The following KANSL1 variants were observed in gnomAD, a reference collection of about 807,000 sequenced individuals.
The protein encoded by KANSL1 is KAT8 regulatory NSL complex subunit 1.
In KANSL1, 22 loss-of-function variants were observed where a neutral mutation model predicts 103.6. That is an observed-to-expected ratio of 0.21 (90% CI 0.15 to 0.30). KANSL1 has a LOEUF of 0.30. Among genes scored for constraint, KANSL1 ranks in the 10% least tolerant of loss-of-function variants. The pLI, the probability that KANSL1 is intolerant of heterozygous loss-of-function variation, is 1.00. For missense variants in KANSL1, 1,337 were observed against 1,399.8 expected, an observed-to-expected ratio of 0.96 and a Z score of 0.72; for synonymous variants, 600 against 527.6, an observed-to-expected ratio of 1.14 and a Z score of -1.88.
intron 3 of KANSL1, among the ~76,000 whole-genome samples, chr17:46,092,174 C>T (rs2079421505): frequency 6.6e-6 from 1 of 152,176 alleles, no homozygotes; most frequent in Admixed American, 6.5e-5. Flanking sequence ...TGTTCACGCA[C>T]CAATGAAATC....
intron 2 of KANSL1, among the ~76,000 whole-genome samples, chr17:46,163,999 T>A (rs1178410512): frequency 6.6e-6 from 1 of 152,244 alleles, no homozygotes; most frequent in African/African-American, 2.4e-5. Context: ...CAAGGTTCAT[T>A]TCTAACATCA....
chr17:46,032,276 C>T lies in KANSL1; in HGVS notation c.2861G>A (p.Arg954Gln), dbSNP rs376635152. The T allele has an allele frequency of 1.6e-5, 25 of 1,527,376 alleles. 1 individual carries two copies. Among genetic ancestry groups the T allele is most frequent in the East Asian group, 9.1e-5 (4 of 44,000 alleles). The allele number at this position is 1,527,376 out of a possible 1,614,324, so 94.6% of individuals were successfully genotyped here. A position where few individuals can be genotyped will look rare whatever the true frequency, so the allele number is the denominator to read the frequency against. ...GGCACTGCCCAGCTGGGGGGTTGTC[C>T]GGCCGTCTGATGACCTGTAGGACCT... is the stretch of plus-strand genomic sequence containing the variant. ...GSRSYRSSDGRTTPQLGSANP... is the reference protein window; with the variant it reads ...GSRSYRSSDGQTTPQLGSANP... Residue 954 changes from arginine to glutamine, a missense_variant, in exon 14 of 15, where the codon CGG (arginine) becomes CAG (glutamine). Coordinates refer to ENST00000432791, the MANE Select transcript of KANSL1 (RefSeq NM_015443.4).
At chr17:46,046,395 CATG>C (rs762631968) in intron 7 of KANSL1, among the ~76,000 whole-genome samples, 11 of 151,822 alleles carry the variant, frequency 7.2e-5, no homozygotes, top group Admixed American at 1.3e-4. Context: ...ATTAGCCAGG[CATG>C]GTGGTGTGCA....
At chr17:46,212,812 A>T (rs1213646008) in intron 1 of KANSL1, among the ~76,000 whole-genome samples, 2 of 152,228 alleles carry the variant, frequency 1.3e-5, no homozygotes, top group Non-Finnish European at 2.9e-5. Context: ...ACACTCCACT[A>T]GCAGTTTCAG....
At chr17:46,050,308 G>A in intron 7 of KANSL1, 1 of 570,804 alleles carries the variant, frequency 1.8e-6, no homozygotes, top group Admixed American at 3.1e-5. Flanking sequence ...CTAGCTACTT[G>A]AAGAGTTAGA....
At chr17:46,183,055 GCA>G (rs1357982012) in intron 1 of KANSL1, among the ~76,000 whole-genome samples, 1 of 152,228 alleles carries the variant, frequency 6.6e-6, no homozygotes, top group Non-Finnish European at 1.5e-5. Flanking sequence ...GGGGATGGAG[GCA>G]ATCCTCATAC....
chr17:46,051,934 A>C (rs989341740), intron 6 of KANSL1, among the ~76,000 whole-genome samples: 3 of 152,232 alleles, frequency 2.0e-5, no homozygotes, highest in Non-Finnish European at 4.4e-5. Flanking sequence ...TAAAGGTTAG[A>C]CTGGGCAAAT....
intron 2 of KANSL1, among the ~76,000 whole-genome samples, chr17:46,109,722 T>C (rs2042722891): frequency 6.6e-6 from 1 of 152,258 alleles, no homozygotes; most frequent in Non-Finnish European, 1.5e-5. Flanking sequence ...AGCATTCCAT[T>C]ATAAGTGCTC....
chr17:46,118,104 G>GGTAATA (rs1393222407), intron 2 of KANSL1, among the ~76,000 whole-genome samples: 2 of 152,084 alleles, frequency 1.3e-5, no homozygotes, highest in Admixed American at 1.3e-4. Flanking sequence ...TTTAACCTAA[G>GGTAATA]GTAATAATCT....
intron 1 of KANSL1, among the ~76,000 whole-genome samples, chr17:46,201,014 C>T (rs1446834471): frequency 1.3e-5 from 2 of 152,024 alleles, no homozygotes; most frequent in African/African-American, 2.4e-5. Context: ...TGGGTTCAAG[C>T]GATTCTCCTA....
intron 6 of KANSL1, among the ~76,000 whole-genome samples, chr17:46,063,616 G>A (rs1385932142): frequency 1.3e-5 from 2 of 152,196 alleles, no homozygotes; most frequent in Non-Finnish European, 2.9e-5. Context: ...TTTGTGTCAG[G>A]ATGATTCTGT....
chr17:46,105,942 CA>C (rs2042538683), intron 2 of KANSL1, among the ~76,000 whole-genome samples: 14 of 64,660 alleles, frequency 2.2e-4, no homozygotes, highest in East Asian at 5.7e-4. Context: ...CACACACACA[CA>C]CACACCCCCC....
At chr17:46,035,410 G>C (rs149518945) in intron 10 of KANSL1, 47 of 152,318 alleles carry the variant, frequency 3.1e-4, no homozygotes, top group African/African-American at 1.0e-3. Context: ...GACATTCTCA[G>C]AGAATGTTAA....
intron 2 of KANSL1, among the ~76,000 whole-genome samples, chr17:46,125,903 G>A (rs1322816139): frequency 6.6e-6 from 1 of 152,154 alleles, no homozygotes; most frequent in Middle Eastern, 3.2e-3. Context: ...AACCTGAAGG[G>A]CCTGGTACTT....
chr17:46,204,708 C>A (rs1255158800), intron 1 of KANSL1, among the ~76,000 whole-genome samples: 2 of 152,184 alleles, frequency 1.3e-5, no homozygotes, highest in Admixed American at 6.5e-5. Context: ...CTCAACAAAG[C>A]AAAATGAATC....
chr17:46,066,858 C>T, intron 5 of KANSL1, 126 bp from the exon 6 acceptor site: 2 of 671,394 alleles, frequency 3.0e-6, no homozygotes, highest in Non-Finnish European at 5.0e-6. Flanking sequence ...TGTTCAGACA[C>T]AAAGAAGCAT....
chr17:46,180,586 T>A (rs935893108), intron 1 of KANSL1, among the ~76,000 whole-genome samples: 1 of 152,214 alleles, frequency 6.6e-6, no homozygotes, highest in Non-Finnish European at 1.5e-5. Context: ...CTAGGGAGGC[T>A]GAGGCATGAG....
At chr17:46,156,390 A>G (rs1416629640) in intron 2 of KANSL1, among the ~76,000 whole-genome samples, 1 of 152,104 alleles carries the variant, frequency 6.6e-6, no homozygotes, top group African/African-American at 2.4e-5. Flanking sequence ...CCAGAAAGTC[A>G]GTATCTGATA....
At chr17:46,047,262 T>C (rs138979392) in intron 7 of KANSL1, among the ~76,000 whole-genome samples, 341 of 152,374 alleles carry the variant, frequency 2.2e-3, no homozygotes, top group African/African-American at 7.8e-3. Context: ...CAGGGGATTA[T>C]AGTTATCTAA....
Sources: gnomAD v4.1 joint callset for allele counts (sites outside exome capture counted in the v4.1 genomes callset) on GRCh38, gnomAD v4.1.1 for gene constraint, MANE v1.5 for transcripts, NCBI Gene and HGNC (gene_info 2026-07-23, HGNC 2026-07-21) for gene names.